The following ADAMTS18 variants were observed in gnomAD, a reference collection of about 807,000 sequenced individuals.
The protein encoded by ADAMTS18 is ADAM metallopeptidase with thrombospondin type 1 motif 18, also known as A disintegrin and metalloproteinase with thrombospondin motifs 18.
ADAMTS18 carries 157 observed loss-of-function variants against 165.9 expected under a neutral mutation model. The observed-to-expected ratio is 0.95, with a 90% CI of 0.83 to 1.08. The LOEUF is 1.08. Ranked by LOEUF, ADAMTS18 falls within the 50% of genes least tolerant of loss-of-function variation. The probability of loss-of-function intolerance (pLI) is 0.00; values close to 1 mark genes in which losing one functional copy is unlikely to be tolerated. For missense variants in ADAMTS18, 2,040 were observed against 1,534.0 expected (o/e 1.33, Z -5.51); for synonymous variants, 782 against 578.2 (o/e 1.35, Z -5.06).
intron 3 of ADAMTS18, among the ~76,000 whole-genome samples, chr16:77,393,002 AC>A (rs761824112): frequency 9.2e-5 from 14 of 152,242 alleles, no homozygotes; most frequent in South Asian, 4.1e-4. Flanking sequence ...AAAAAAAAGG[AC>A]CCAGAATCAG....
chr16:77,296,774 G>A (rs771480867), intron 18 of ADAMTS18, among the ~76,000 whole-genome samples: 2 of 152,030 alleles, frequency 1.3e-5, no homozygotes, highest in Non-Finnish European at 2.9e-5. Context: ...GAGCTATCAT[G>A]AGGCCACTGT....
At position 77,376,503 on chromosome 16, in the gene ADAMTS18, C is replaced by A. The variant is rs1040535393; in HGVS notation, c.496-8780G>T. ...CCAACTCTCCACCCAGGGAACCAACCCCTTCCCCTCAAGAGACAAGAGTCA... is the reference window on the plus strand; with the variant it reads ...CCAACTCTCCACCCAGGGAACCAACACCTTCCCCTCAAGAGACAAGAGTCA... On this transcript the variant is annotated intron_variant, in intron 3 of 22. Transcript: ENST00000282849. 2.6e-5 allele frequency among the ~76,000 whole-genome samples: 4 copies of A among 152,140 alleles called. No homozygotes were observed. In the East Asian group the frequency reaches 7.7e-4, roughly 29 times the overall value.
At position 77,297,419 on chromosome 16, in the gene ADAMTS18, G is replaced by T. The variant is rs900811140; in HGVS notation, c.2675-4C>A. On this transcript the variant is annotated splice_polypyrimidine_tract_variant and splice_region_variant and intron_variant, in intron 17 of 22. Transcript: ENST00000282849. ...ATGGCCTTTACATTTATGTAACCTG[G>T]TAAGACATCAGAAGTGACAAAGTGA... The T allele has an allele frequency of 1.9e-6, 3 of 1,610,848 alleles. No homozygotes were observed. In the South Asian group the frequency reaches 3.3e-5, roughly 18 times the overall value.
intron 3 of ADAMTS18, among the ~76,000 whole-genome samples, chr16:77,389,760 T>C (rs1159956495): frequency 1.3e-5 from 2 of 152,152 alleles, no homozygotes; most frequent in Non-Finnish European, 2.9e-5. Context: ...AGGAACTCCA[T>C]GTGAGGGAGC....
chr16:77,398,896 G>C (rs1016717839), intron 3 of ADAMTS18, among the ~76,000 whole-genome samples: 1 of 152,084 alleles, frequency 6.6e-6, no homozygotes, highest in Non-Finnish European at 1.5e-5. Context: ...TAGATGTTTG[G>C]GTGGGATGAG....
intron 3 of ADAMTS18, among the ~76,000 whole-genome samples, chr16:77,409,073 G>GA (rs970978852): frequency 4.0e-5 from 6 of 151,848 alleles, no homozygotes; most frequent in African/African-American, 9.7e-5. Context: ...TAAAAATAAA[G>GA]AAAAAACAGT....
At position 77,319,870 on chromosome 16, in the gene ADAMTS18, T is replaced by C. The variant is rs1295921999; in HGVS notation, c.2511A>G (p.Thr837=). ...TTACTTCAAAGACCAGCGTCTCATT[T>C]GTGGGCCCTGGCGCGTACAGACGTT... is the stretch of plus-strand genomic sequence containing the variant. ...RPERLYAPGP[T]NETLVFEILM... The change falls in exon 16 of 23, where the codon ACA becomes ACG. Residue 837 remains threonine, a synonymous_variant. Transcript: ENST00000282849. 2.5e-6 allele frequency: 4 copies of C among 1,614,176 alleles called. No individual in the cohort carries two copies. The highest frequency in any genetic ancestry group is 2.2e-5 in the East Asian group (1 of 44,878).
intron 8 of ADAMTS18, among the ~76,000 whole-genome samples, chr16:77,358,454 C>A (rs79203191): frequency 0.15 from 23,363 of 151,946 alleles, 2,052 homozygotes; most frequent in East Asian, 0.27. Flanking sequence ...CCCAGCTACT[C>A]AGGAGGCAGA....
intron 2 of ADAMTS18, 71 bp from the exon 3 acceptor site, chr16:77,431,682 G>A (rs1308975545): frequency 6.6e-7 from 1 of 1,504,846 alleles, no homozygotes; most frequent in Admixed American, 1.7e-5. Flanking sequence ...CCAGCAAGCT[G>A]GCAAAGAGCA....
At chr16:77,353,942 T>C in intron 9 of ADAMTS18, 56 bp from the exon 10 acceptor site, 1 of 1,604,572 alleles carries the variant, frequency 6.2e-7, no homozygotes, top group Non-Finnish European at 8.5e-7. Flanking sequence ...TCTTTCCATT[T>C]ACGACAACAC....
At chr16:77,364,411 G>A (rs375107723) in intron 4 of ADAMTS18, 30 bp from the exon 5 acceptor site, 4 of 1,606,968 alleles carry the variant, frequency 2.5e-6, no homozygotes, top group Admixed American at 1.7e-5. Flanking sequence ...ATTTGGAAGG[G>A]ATATTAGAGA....
At chr16:77,303,127 C>G (rs2055616513) in intron 16 of ADAMTS18, among the ~76,000 whole-genome samples, 1 of 152,194 alleles carries the variant, frequency 6.6e-6, no homozygotes, top group African/African-American at 2.4e-5. Flanking sequence ...AGTCCAAGTT[C>G]TTTACTACAC....
chr16:77,382,997 C>T (rs565225814), intron 3 of ADAMTS18, among the ~76,000 whole-genome samples: 22 of 152,320 alleles, frequency 1.4e-4, no homozygotes, highest in African/African-American at 5.1e-4. Context: ...TTCCCCTCCT[C>T]CAATCCTTCT....
intron 16 of ADAMTS18, among the ~76,000 whole-genome samples, chr16:77,311,426 C>A (rs2055778453): frequency 6.6e-6 from 1 of 152,158 alleles, no homozygotes; most frequent in Non-Finnish European, 1.5e-5. Context: ...GGCCTATGAA[C>A]TTTATTCAAC....
chr16:77,407,381 A>G (rs1248543857), intron 3 of ADAMTS18, among the ~76,000 whole-genome samples: 1 of 152,102 alleles, frequency 6.6e-6, no homozygotes, highest in African/African-American at 2.4e-5. Flanking sequence ...CGGAAAAGCA[A>G]TAACATAAAT....
chr16:77,284,917 TG>T (rs2055218905), intron 22 of ADAMTS18, among the ~76,000 whole-genome samples: 1 of 152,124 alleles, frequency 6.6e-6, no homozygotes. Context: ...TGCCTGCAAA[TG>T]GGTTGAGATT....
intron 3 of ADAMTS18, among the ~76,000 whole-genome samples, chr16:77,420,319 T>A (rs1186492185): frequency 6.6e-6 from 1 of 152,152 alleles, no homozygotes; most frequent in Non-Finnish European, 1.5e-5. Flanking sequence ...ATGTCTAAGA[T>A]GATTGCATCT....
At chr16:77,422,066 T>A (rs887359096) in intron 3 of ADAMTS18, among the ~76,000 whole-genome samples, 5 of 152,134 alleles carry the variant, frequency 3.3e-5, no homozygotes, top group African/African-American at 1.2e-4. Flanking sequence ...TCTGGTTTCA[T>A]GAAGAGTGTC....
chr16:77,345,500 GT>G, intron 10 of ADAMTS18, among the ~76,000 whole-genome samples: 1 of 152,222 alleles, frequency 6.6e-6, no homozygotes. Context: ...CTACTACCCT[GT>G]TCCAAGCCAC....
Sources: gnomAD v4.1 joint callset for allele counts (sites outside exome capture counted in the v4.1 genomes callset) on GRCh38, gnomAD v4.1.1 for gene constraint, MANE v1.5 for transcripts, NCBI Gene and HGNC (gene_info 2026-07-23, HGNC 2026-07-21) for gene names.